Variants in PRORP observed in about 807,000 individuals in gnomAD.
The protein encoded by PRORP is mitochondrial ribonuclease P catalytic subunit.
PRORP carries 51 observed loss-of-function variants against 59.4 expected under a neutral mutation model. The ratio of observed to expected loss-of-function variants is 0.86; its 90% CI spans 0.69 to 1.08. The LOEUF is 1.08. Ranked by LOEUF, PRORP falls within the 50% of genes least tolerant of loss-of-function variation. The pLI is 0.00. For missense variants in PRORP, 646 were observed against 690.3 expected (o/e 0.94, Z 0.72); for synonymous variants, 231 against 245.6 (o/e 0.94, Z 0.55).
In PRORP at chr14:35,182,761, A is replaced by G. The variant is rs183540314; in HGVS notation, c.1275+1984A>G. On this transcript the variant is annotated intron_variant, in intron 5 of 7. Coordinates refer to ENST00000534898, the MANE Select transcript of PRORP (RefSeq NM_014672.4). ...GATTGGTAAATCTTTAAAAGTTGGT[A>G]ATATTCAGTGTTTAGAATAGTTTGA... Among the ~76,000 whole-genome samples, 97 of 152,358 alleles carry G rather than the reference A, an allele frequency of 6.4e-4. 1 individual carries two copies. Among genetic ancestry groups the G allele is most frequent in the African/African-American group, 2.1e-3 (89 of 41,600 alleles).
chr14:35,127,241 C>A (rs1174679787), intron 3 of PRORP, among the ~76,000 whole-genome samples: 1 of 151,786 alleles, frequency 6.6e-6, no homozygotes, highest in Non-Finnish European at 1.5e-5. Context: ...AAATACAAGA[C>A]CCTGTCTCAA....
intron 2 of PRORP, among the ~76,000 whole-genome samples, chr14:35,126,258 C>T (rs555039904): frequency 1.3e-5 from 2 of 152,270 alleles, no homozygotes; most frequent in South Asian, 2.1e-4. Context: ...TGAACAAATA[C>T]ATCAATACAT....
At chr14:35,172,124 C>T (rs2048325425) in intron 4 of PRORP, among the ~76,000 whole-genome samples, 1 of 150,252 alleles carries the variant, frequency 6.7e-6, no homozygotes, top group Non-Finnish European at 1.5e-5. Flanking sequence ...TCTTGGCTCA[C>T]TGCAACCTTC....
intron 4 of PRORP, among the ~76,000 whole-genome samples, chr14:35,138,588 A>T (rs1465183462): frequency 6.9e-6 from 1 of 145,110 alleles, no homozygotes; most frequent in Non-Finnish European, 1.5e-5. Flanking sequence ...ACTTAAAAAA[A>T]TTTTGCCAAC....
chr14:35,265,929 G>C (rs1474300609), intron 5 of PRORP, among the ~76,000 whole-genome samples: 2 of 151,354 alleles, frequency 1.3e-5, no homozygotes, highest in South Asian at 4.2e-4. Flanking sequence ...TAATCCAGGT[G>C]CTTTGGGACG....
rs1230966684 is a variant in PRORP, at chr14:35,123,849, A to G, written c.604A>G (p.Lys202Glu). Residue 202 changes from lysine (K) to glutamate (E), a missense_variant, in exon 2 of 8, where the codon AAA becomes GAA. Coordinates refer to ENST00000534898, the MANE Select transcript of PRORP (RefSeq NM_014672.4). ...AGTTATTGATGTCTTTGAAATTATG[A>G]AAGCCAGATATAAGACTTTAGAACC... ...SEVIDVFEIMKARYKTLEPRG... is the reference protein window; with the variant it reads ...SEVIDVFEIMEARYKTLEPRG... 6.2e-7 allele frequency: 1 copy of G among 1,614,132 alleles called. No individual in the cohort carries two copies. The highest frequency in any genetic ancestry group is 1.1e-5 in the South Asian group (1 of 91,086).
intron 5 of PRORP, among the ~76,000 whole-genome samples, chr14:35,217,104 T>C (rs2049619516): frequency 6.6e-6 from 1 of 152,230 alleles, no homozygotes; most frequent in African/African-American, 2.4e-5. Context: ...TTGGCTTCAC[T>C]TTCTTGAAGA....
At chr14:35,134,080 C>G (rs1004697976) in intron 4 of PRORP, among the ~76,000 whole-genome samples, 1 of 152,340 alleles carries the variant, frequency 6.6e-6, no homozygotes. Flanking sequence ...CAAGTTCCCC[C>G]AGGCCTCAGC....
At chr14:35,207,189 A>G (rs1566497337) in intron 5 of PRORP, among the ~76,000 whole-genome samples, 1 of 152,176 alleles carries the variant, frequency 6.6e-6, no homozygotes, top group Admixed American at 6.5e-5. Context: ...CTCTGGGCAC[A>G]TGCATATATT....
intron 5 of PRORP, among the ~76,000 whole-genome samples, chr14:35,227,271 G>C (rs372907566): frequency 6.6e-6 from 1 of 150,934 alleles, no homozygotes; most frequent in Non-Finnish European, 1.5e-5. Flanking sequence ...GTGAAACCCC[G>C]TCTCTACTAA....
At chr14:35,269,157 T>TA in intron 6 of PRORP, among the ~76,000 whole-genome samples, 1 of 152,306 alleles carries the variant, frequency 6.6e-6, no homozygotes, top group Non-Finnish European at 1.5e-5. Context: ...CTGTCTTCCT[T>TA]ATCTCTTGTG....
intron 5 of PRORP, among the ~76,000 whole-genome samples, chr14:35,240,729 C>A (rs556796752): frequency 5.1e-4 from 78 of 152,316 alleles, no homozygotes; most frequent in African/African-American, 1.7e-3. Context: ...TGTTCCTCCT[C>A]CTCCACATTG....
chr14:35,243,447 G>T (rs1265879330), intron 5 of PRORP, among the ~76,000 whole-genome samples: 1 of 151,632 alleles, frequency 6.6e-6, no homozygotes, highest in South Asian at 2.1e-4. Flanking sequence ...GAGGCAGGAG[G>T]ATGACTTGAG....
In PRORP at chr14:35,124,067, T is replaced by G. The variant is rs1284857732; in HGVS notation, c.822T>G (p.Asp274Glu). 1 of 1,613,998 alleles carries G rather than the reference T, an allele frequency of 6.2e-7. No homozygotes were observed. The highest frequency in any genetic ancestry group is 8.5e-7 in the Non-Finnish European group (1 of 1,179,946). The stretch of plus-strand genomic sequence containing the variant: ...TATATCAGGAATTGCTAGGTCATGA[T>G]ATTGTTCCTATGTTGGAAACTTTAA... Reference protein sequence around the residue: ...WNLYQELLGHDIVPMLETLKA... With the variant: ...WNLYQELLGHEIVPMLETLKA... Residue 274 changes from aspartate to glutamate, a missense_variant, in exon 2 of 8, where the codon GAT (aspartate) becomes GAG (glutamate). By Grantham distance (45) the Asp-to-Glu change is conservative. Transcript: ENST00000534898.
At chr14:35,221,411 G>A (rs768859880) in intron 5 of PRORP, among the ~76,000 whole-genome samples, 25 of 152,140 alleles carry the variant, frequency 1.6e-4, no homozygotes, top group Non-Finnish European at 2.4e-4. Flanking sequence ...GTATGGCACT[G>A]CTGTTGATTC....
chr14:35,151,934 C>CTTTTTTTTT (rs11342103), intron 4 of PRORP, among the ~76,000 whole-genome samples: 7 of 124,824 alleles, frequency 5.6e-5, no homozygotes, highest in East Asian at 2.4e-4. Context: ...GTTAATCCAT[C>CTTTTTTTTT]TTTTTTTTTT....
intron 5 of PRORP, among the ~76,000 whole-genome samples, chr14:35,265,806 G>T (rs1262539154): frequency 6.6e-6 from 1 of 152,088 alleles, no homozygotes; most frequent in African/African-American, 2.4e-5. Context: ...GGTTTGACAT[G>T]TATAGGAAAC....
intron 4 of PRORP, chr14:35,158,967 T>A: frequency 2.9e-6 from 1 of 347,472 alleles, no homozygotes; most frequent in South Asian, 2.7e-5. Context: ...CTCTGGATAC[T>A]TGATTTGGGA....
intron 5 of PRORP, among the ~76,000 whole-genome samples, chr14:35,263,230 T>C (rs2050950310): frequency 6.6e-6 from 1 of 152,226 alleles, no homozygotes; most frequent in African/African-American, 2.4e-5. Context: ...TCTTTCATTT[T>C]TCAAGTTTTC....
Sources: allele counts gnomAD v4.1 joint callset (sites outside exome capture counted in the v4.1 genomes callset), GRCh38; gene constraint gnomAD v4.1.1; transcripts MANE v1.5; gene names NCBI Gene and HGNC (gene_info 2026-07-23, HGNC 2026-07-21).